PPP1R14C: variants seen among roughly 807,000 people sequenced by gnomAD.
PPP1R14C encodes the protein protein phosphatase 1 regulatory subunit 14C.
A neutral mutation model predicts 20.4 loss-of-function variants in PPP1R14C; 16 were observed. The ratio of observed to expected loss-of-function variants is 0.78; its 90% CI spans 0.53 to 1.19. PPP1R14C has a LOEUF of 1.19. Ranked by LOEUF, PPP1R14C falls within the 50% of genes most tolerant of loss-of-function variation. The probability of loss-of-function intolerance (pLI) is 0.00; values close to 1 mark genes in which losing one functional copy is unlikely to be tolerated. For synonymous variants in PPP1R14C, 91 were observed against 91.0 expected (o/e 1.00, Z 0.00); for missense variants, 211 against 220.1 (o/e 0.96, Z 0.26).
chr6:150,245,924 A>T (rs1273684596), intron 3 of PPP1R14C, among the ~76,000 whole-genome samples: 2 of 152,230 alleles, frequency 1.3e-5, no homozygotes, highest in Non-Finnish European at 2.9e-5. Context: ...TAAAATATGC[A>T]TATTATGCAC....
chr6:150,221,219 A>G (rs577506427), intron 3 of PPP1R14C, among the ~76,000 whole-genome samples: 7 of 152,338 alleles, frequency 4.6e-5, no homozygotes, highest in Non-Finnish European at 8.8e-5. Flanking sequence ...GCACTAACAT[A>G]CATTACTTTA....
At chr6:150,155,644 A>G (rs1045958819) in intron 1 of PPP1R14C, among the ~76,000 whole-genome samples, 2 of 152,168 alleles carry the variant, frequency 1.3e-5, no homozygotes, top group African/African-American at 4.8e-5. Flanking sequence ...TACATTTTCA[A>G]ATATGCTTCA....
intron 1 of PPP1R14C, among the ~76,000 whole-genome samples, chr6:150,204,309 T>C (rs555523140): frequency 6.6e-6 from 1 of 152,378 alleles, no homozygotes; most frequent in Admixed American, 6.5e-5. Context: ...TGTGCGTGTT[T>C]AGTGTTCATA....
intron 1 of PPP1R14C, among the ~76,000 whole-genome samples, chr6:150,179,437 G>A (rs1371290891): frequency 6.6e-6 from 1 of 150,778 alleles, no homozygotes; most frequent in Non-Finnish European, 1.5e-5. Flanking sequence ...GAGGGAGGGA[G>A]GGAGGGAGGG....
At chr6:150,199,446 C>A (rs1777850037) in intron 1 of PPP1R14C, among the ~76,000 whole-genome samples, 1 of 152,216 alleles carries the variant, frequency 6.6e-6, no homozygotes, top group South Asian at 2.1e-4. Context: ...TCACCTTCCT[C>A]TGATCTGTGT....
chr6:150,217,004 G>C (rs1778102433), intron 3 of PPP1R14C, 148 bp downstream of exon 3: 7 of 582,990 alleles, frequency 1.2e-5, no homozygotes, highest in Non-Finnish European at 1.8e-5. Flanking sequence ...TGTTTGAATA[G>C]CTCTAACTTC....
chr6:150,194,133 G>A (rs1475209980), intron 1 of PPP1R14C, among the ~76,000 whole-genome samples: 1 of 152,108 alleles, frequency 6.6e-6, no homozygotes, highest in Non-Finnish European at 1.5e-5. Flanking sequence ...TGATTGTGAG[G>A]CCTCCCCAGC....
chr6:150,174,024 C>A (rs1777529669), intron 1 of PPP1R14C, among the ~76,000 whole-genome samples: 1 of 150,652 alleles, frequency 6.6e-6, no homozygotes, highest in African/African-American at 2.4e-5. Context: ...CTCCCCCCCA[C>A]CCCCGAGATT....
At chr6:150,230,370 G>T (rs567262139) in intron 3 of PPP1R14C, among the ~76,000 whole-genome samples, 34 of 152,292 alleles carry the variant, frequency 2.2e-4, no homozygotes, top group Non-Finnish European at 3.4e-4. Context: ...CCAGCCCCCA[G>T]GCCCAGGGCA....
Position 150,172,953 on chromosome 6 carries a change from A to C in PPP1R14C, c.306+29455A>C, listed in dbSNP as rs565261122. Among the ~76,000 whole-genome samples, 239 of 152,068 alleles carry C rather than the reference A, an allele frequency of 1.6e-3. 2 individuals are homozygous for C. Among genetic ancestry groups the C allele is most frequent in the Non-Finnish European group, 2.7e-3 (186 of 68,000 alleles). ...AAGCCACTCAGTCAACTCCCCATCC[A>C]CCTCCAAACTGCTGCTTGCCTGGCC... On this transcript the variant is annotated intron_variant, in intron 1 of 3. Coordinates refer to ENST00000361131, the MANE Select transcript of PPP1R14C (RefSeq NM_030949.3).
chr6:150,200,646 G>A (rs1286216345), intron 1 of PPP1R14C, among the ~76,000 whole-genome samples: 1 of 152,198 alleles, frequency 6.6e-6, no homozygotes, highest in Non-Finnish European at 1.5e-5. Flanking sequence ...CTGCAGAAGA[G>A]CAAGATTAGA....
rs578210986 is a variant in PPP1R14C at position 150,198,718 on chromosome 6, G to A, written c.307-16026G>A. ...GGAATGGTGCCGCTGACATAGTCCG[G>A]GCAGCCCCGCTGGCACTTATGCTGC... On this transcript the variant is annotated intron_variant, in intron 1 of 3. Coordinates refer to ENST00000361131, the MANE Select transcript of PPP1R14C (RefSeq NM_030949.3). Among the ~76,000 whole-genome samples the A allele has an allele frequency of 1.1e-4, 16 of 152,332 alleles. No individual in the cohort carries two copies. In the South Asian group the frequency reaches 3.1e-3, roughly 30 times the overall value.
chr6:150,191,917 G>C lies in PPP1R14C; in HGVS notation c.307-22827G>C, dbSNP rs117243034. Among the ~76,000 whole-genome samples the C allele has an allele frequency of 3.4e-3, 521 of 152,276 alleles. 5 individuals are homozygous for C. The highest frequency in any genetic ancestry group is 0.018 in the South Asian group (87 of 4,818). Reference sequence around the variant, plus strand: ...GAGTGGTCTCTGAACTGGGATTTGAGGTGTAGATAGGGAAAGAAGAGGGTT... The same window carrying C: ...GAGTGGTCTCTGAACTGGGATTTGACGTGTAGATAGGGAAAGAAGAGGGTT... On this transcript the variant is annotated intron_variant, in intron 1 of 3. Transcript: ENST00000361131.
intron 1 of PPP1R14C, among the ~76,000 whole-genome samples, chr6:150,204,464 CAGGA>C (rs1777918875): frequency 6.6e-6 from 1 of 152,156 alleles, no homozygotes; most frequent in African/African-American, 2.4e-5. Context: ...TTTCAGGCAT[CAGGA>C]GTACACGATT....
intron 1 of PPP1R14C, among the ~76,000 whole-genome samples, chr6:150,190,899 CG>C (rs1562265220): frequency 6.6e-6 from 1 of 152,134 alleles, no homozygotes; most frequent in African/African-American, 2.4e-5. Flanking sequence ...ATCCTCAACC[CG>C]GATGCCAGAG....
chr6:150,217,737 C>T (rs1185719026), intron 3 of PPP1R14C, among the ~76,000 whole-genome samples: 1 of 152,180 alleles, frequency 6.6e-6, no homozygotes, highest in Non-Finnish European at 1.5e-5. Context: ...GAAGTACTTT[C>T]TTCCTCTGAT....
intron 1 of PPP1R14C, among the ~76,000 whole-genome samples, chr6:150,197,224 C>T (rs1777815541): frequency 6.6e-6 from 1 of 152,212 alleles, no homozygotes; most frequent in Admixed American, 6.5e-5. Flanking sequence ...GAGGAAAGAA[C>T]TAAGGGAGGA....
At chr6:150,199,640 TG>T (rs1415298404) in intron 1 of PPP1R14C, among the ~76,000 whole-genome samples, 1 of 152,114 alleles carries the variant, frequency 6.6e-6, no homozygotes, top group African/African-American at 2.4e-5. Context: ...GAGGCTAAAG[TG>T]GGAGAATTGC....
chr6:150,154,703 T>G (rs899301238), intron 1 of PPP1R14C, among the ~76,000 whole-genome samples: 1 of 152,192 alleles, frequency 6.6e-6, no homozygotes, highest in African/African-American at 2.4e-5. Flanking sequence ...GTAGCTGAAG[T>G]GGGAGCGTAT....
Sources: allele counts gnomAD v4.1 joint callset (sites outside exome capture counted in the v4.1 genomes callset), GRCh38; gene constraint gnomAD v4.1.1; transcripts MANE v1.5; gene names NCBI Gene and HGNC (gene_info 2026-07-23, HGNC 2026-07-21).